DAAM1: variants seen among roughly 807,000 people sequenced by gnomAD.
DAAM1 encodes the protein disheveled-associated activator of morphogenesis 1.
In DAAM1, 52 loss-of-function variants were observed where a neutral mutation model predicts 130.0. The ratio of observed to expected loss-of-function variants is 0.40; its 90% CI spans 0.32 to 0.50. The LOEUF (loss-of-function observed/expected upper bound fraction) is 0.50, where lower values mean the gene tolerates loss of function less well. Among genes scored for constraint, DAAM1 ranks in the 20% least tolerant of loss-of-function variants. DAAM1 has a pLI of 0.61. For missense variants in DAAM1, 1,134 were observed against 1,303.8 expected (o/e 0.87, Z 2.01); for synonymous variants, 452 against 444.5 (o/e 1.02, Z -0.21).
At chr14:59,328,058 G>C (rs569078142) in intron 12 of DAAM1, among the ~76,000 whole-genome samples, 1 of 152,168 alleles carries the variant, frequency 6.6e-6, no homozygotes, top group Non-Finnish European at 1.5e-5. Context: ...CCTTGTCCAA[G>C]TTATTCACTC....
intron 14 of DAAM1, 115 bp from the exon 15 acceptor site, chr14:59,331,698 C>T (rs887248548): frequency 7.4e-6 from 11 of 1,494,324 alleles, no homozygotes; most frequent in East Asian, 4.5e-5. Context: ...AAACCCGTCA[C>T]TTTGAGTGTC....
chr14:59,310,204 G>A (rs1047161493), intron 3 of DAAM1, among the ~76,000 whole-genome samples: 8 of 151,630 alleles, frequency 5.3e-5, no homozygotes, highest in Non-Finnish European at 1.0e-4. Context: ...TCCGCCTCCC[G>A]GTTCAAGCGA....
chr14:59,347,685 G>A, intron 17 of DAAM1, 62 bp downstream of exon 17: 3 of 1,507,622 alleles, frequency 2.0e-6, no homozygotes, highest in Non-Finnish European at 1.8e-6. Context: ...GGAGAGGGAT[G>A]TTGAGAACAT....
intron 19 of DAAM1, among the ~76,000 whole-genome samples, chr14:59,354,596 T>A (rs1013602781): frequency 1.8e-4 from 28 of 152,158 alleles, no homozygotes; most frequent in African/African-American, 6.5e-4. Context: ...AGTAGCTTTT[T>A]TAAAGGGAAG....
intron 12 of DAAM1, among the ~76,000 whole-genome samples, chr14:59,327,733 T>C (rs1885269790): frequency 6.6e-6 from 1 of 152,134 alleles, no homozygotes; most frequent in African/African-American, 2.4e-5. Flanking sequence ...CCCAATTCTG[T>C]CCATGACCTT....
intron 22 of DAAM1, among the ~76,000 whole-genome samples, chr14:59,362,062 A>G (rs2139685346): frequency 6.6e-6 from 1 of 151,100 alleles, no homozygotes; most frequent in Admixed American, 6.6e-5. Flanking sequence ...GCAGTATTAA[A>G]AAAAAAATTC....
intron 15 of DAAM1, among the ~76,000 whole-genome samples, chr14:59,333,318 G>C (rs17096107): frequency 0.064 from 9,799 of 152,158 alleles, 410 homozygotes; most frequent in Non-Finnish European, 0.094. Flanking sequence ...GCAAACTTGG[G>C]CAATGCTATA....
chr14:59,292,622 T>A (rs1251512007), intron 3 of DAAM1, among the ~76,000 whole-genome samples: 1 of 152,248 alleles, frequency 6.6e-6, no homozygotes, highest in Non-Finnish European at 1.5e-5. Context: ...AGTGTTACAC[T>A]GAATACTGTC....
At chr14:59,239,604 G>A (rs903723412) in intron 1 of DAAM1, among the ~76,000 whole-genome samples, 4 of 151,848 alleles carry the variant, frequency 2.6e-5, no homozygotes, top group African/African-American at 9.7e-5. Flanking sequence ...ATTTTCTTAC[G>A]TTGTGTTTTG....
intron 16 of DAAM1, among the ~76,000 whole-genome samples, chr14:59,344,117 A>G (rs1287549365): frequency 6.6e-6 from 1 of 152,198 alleles, no homozygotes; most frequent in Non-Finnish European, 1.5e-5. Context: ...CCCACCTGAA[A>G]CACAGTTTTA....
intron 12 of DAAM1, 96 bp from the exon 13 acceptor site, chr14:59,330,405 A>G: frequency 8.6e-7 from 1 of 1,159,394 alleles, no homozygotes; most frequent in Non-Finnish European, 1.2e-6. Flanking sequence ...AGATCCTCAT[A>G]ATCTCTGCCA....
chr14:59,277,250 C>T (rs1410680147), intron 2 of DAAM1, among the ~76,000 whole-genome samples: 1 of 152,062 alleles, frequency 6.6e-6, no homozygotes, highest in Non-Finnish European at 1.5e-5. Flanking sequence ...CTTTATCTAG[C>T]AAATGAATCC....
At position 59,291,535 on chromosome 14, in the gene DAAM1, G is replaced by T. The variant is rs1450805325; in HGVS notation, c.273+229G>T. ...CTGTAACCATCATTCATAATCATGT[G>T]TAACTGAAACCCAAAATAACGTTTG... On this transcript the variant is annotated intron_variant, in intron 3 of 24. Coordinates refer to ENST00000360909, the MANE Select transcript of DAAM1 (RefSeq NM_001270520.2). 1.5e-5 allele frequency: 7 copies of T among 476,866 alleles called. No individual in the cohort carries two copies. The East Asian group carries it at 2.8e-4, about 19-fold the overall frequency. 29.5% of individuals were successfully genotyped at this position (476,866 alleles called of 1,614,324 possible). A position where few individuals can be genotyped will look rare whatever the true frequency, so the allele number is the denominator to read the frequency against.
At chr14:59,320,452 T>C in intron 4 of DAAM1, 38 bp from the exon 5 acceptor site, 2 of 1,529,444 alleles carry the variant, frequency 1.3e-6, no homozygotes, top group Non-Finnish European at 1.8e-6. Context: ...AATTAAAAAA[T>C]AGAATTTGAA....
intron 15 of DAAM1, among the ~76,000 whole-genome samples, chr14:59,333,109 ATGGCCTT>A (rs1460888339): frequency 6.6e-6 from 1 of 152,214 alleles, no homozygotes; most frequent in Non-Finnish European, 1.5e-5. Flanking sequence ...GTTTTTCAAA[ATGGCCTT>A]TGATACATCT....
chr14:59,275,471 G>C (rs1352270414), intron 2 of DAAM1, among the ~76,000 whole-genome samples: 1 of 152,156 alleles, frequency 6.6e-6, no homozygotes, highest in Non-Finnish European at 1.5e-5. Flanking sequence ...CTTGTCAACT[G>C]AAGTTGTACT....
chr14:59,346,984 C>T (rs8008151), intron 16 of DAAM1, among the ~76,000 whole-genome samples: 106,292 of 152,044 alleles, frequency 0.7, 37,762 homozygotes, highest in East Asian at 0.85. Flanking sequence ...TGTCTGACCT[C>T]GGACAAATCA....
chr14:59,289,767 G>GATAGATATATATAT (rs375183979), intron 2 of DAAM1, among the ~76,000 whole-genome samples: 1 of 110,256 alleles, frequency 9.1e-6, no homozygotes, highest in South Asian at 2.7e-4. Flanking sequence ...AACAAAATGT[G>GATAGATATATATAT]ATATATATAT....
At chr14:59,223,795 A>T (rs1207033910) in intron 1 of DAAM1, among the ~76,000 whole-genome samples, 1 of 152,172 alleles carries the variant, frequency 6.6e-6, no homozygotes, top group Non-Finnish European at 1.5e-5. Context: ...CTTGGAAGGG[A>T]TGTCTTAACA....
Sources: allele counts gnomAD v4.1 joint callset (sites outside exome capture counted in the v4.1 genomes callset), GRCh38; gene constraint gnomAD v4.1.1; transcripts MANE v1.5; gene names NCBI Gene and HGNC (gene_info 2026-07-23, HGNC 2026-07-21).